The following CDC42BPA variants were observed in gnomAD, a reference collection of about 807,000 sequenced individuals.
The protein encoded by CDC42BPA is CDC42 binding protein kinase alpha.
A neutral mutation model predicts 223.5 loss-of-function variants in CDC42BPA; 80 were observed. That is an observed-to-expected ratio of 0.36 (90% CI 0.30 to 0.43). The LOEUF is 0.43. CDC42BPA is among the 20% of genes least tolerant of loss of function. The pLI is 1.00. For missense variants in CDC42BPA, 1,743 were observed against 2,099.9 expected, an observed-to-expected ratio of 0.83 and a Z score of 3.32; for synonymous variants, 694 against 718.6, an observed-to-expected ratio of 0.97 and a Z score of 0.55.
At chr1:227,084,268 C>G (rs1482263695) in intron 16 of CDC42BPA, among the ~76,000 whole-genome samples, 2 of 152,178 alleles carry the variant, frequency 1.3e-5, no homozygotes, top group African/African-American at 4.8e-5. Context: ...TGGCTCACGC[C>G]TGCAATCCCA....
At chr1:227,008,219 T>C (rs1254678478) in intron 34 of CDC42BPA, among the ~76,000 whole-genome samples, 1 of 152,244 alleles carries the variant, frequency 6.6e-6, no homozygotes, top group African/African-American at 2.4e-5. Flanking sequence ...TTGAGATTAA[T>C]TCAGTTGGCA....
chr1:227,050,381 C>A (rs979027856), intron 22 of CDC42BPA, among the ~76,000 whole-genome samples: 1 of 152,106 alleles, frequency 6.6e-6, no homozygotes, highest in Non-Finnish European at 1.5e-5. Flanking sequence ...ATTGGTCCAA[C>A]CACTGTGGAA....
chr1:227,086,279 T>C (rs11811176), intron 16 of CDC42BPA, among the ~76,000 whole-genome samples: 8,202 of 152,144 alleles, frequency 0.054, 249 homozygotes, highest in Non-Finnish European at 0.073. Flanking sequence ...ATGAGAATAT[T>C]ATGCTATGAA....
intron 4 of CDC42BPA, among the ~76,000 whole-genome samples, chr1:227,198,641 T>A (rs1671182897): frequency 6.6e-6 from 1 of 152,084 alleles, no homozygotes; most frequent in South Asian, 2.1e-4. Context: ...ATAAACCCCA[T>A]GAGCATTATA....
intron 2 of CDC42BPA, among the ~76,000 whole-genome samples, chr1:227,214,722 G>C (rs1203715739): frequency 6.6e-6 from 1 of 152,016 alleles, no homozygotes. Context: ...CCAAAACTTA[G>C]GTGTCTTCCC....
At chr1:227,208,256 A>G (rs560005142) in intron 3 of CDC42BPA, among the ~76,000 whole-genome samples, 3 of 151,298 alleles carry the variant, frequency 2.0e-5, no homozygotes, top group East Asian at 1.9e-4. Flanking sequence ...TAGATTCTGG[A>G]TATTAGCCCT....
At chr1:227,017,976 C>T (rs1180417963) in intron 32 of CDC42BPA, among the ~76,000 whole-genome samples, 1 of 151,594 alleles carries the variant, frequency 6.6e-6, no homozygotes, top group Non-Finnish European at 1.5e-5. Flanking sequence ...ATCCTCGTGG[C>T]ATAATCATAT....
chr1:227,027,922 G>A (rs1457021978), intron 30 of CDC42BPA, among the ~76,000 whole-genome samples: 1 of 152,016 alleles, frequency 6.6e-6, no homozygotes, highest in African/African-American at 2.4e-5. Flanking sequence ...TTTGAGACCA[G>A]CCTGAACAAC....
Position 227,317,823 on chromosome 1 carries a change from C to A in CDC42BPA, c.-641G>T, listed in dbSNP as rs546540063. 2.0e-5 allele frequency: 8 copies of A among 398,600 alleles called. No individual in the cohort carries two copies. The East Asian group carries it at 2.8e-4, about 14-fold the overall frequency. The allele number at this position is 398,600 out of a possible 1,614,324, so 24.7% of individuals were successfully genotyped here. ...TCGGCTCGGAGCACGCCAAGTCTTG[C>A]CCGGAGGCGGCTTTTCGTTTCTCCT... On this transcript the variant is annotated 5_prime_UTR_variant, in exon 1 of 37. Coordinates refer to ENST00000366766, the MANE Select transcript of CDC42BPA (RefSeq NM_001394014.1).
intron 2 of CDC42BPA, among the ~76,000 whole-genome samples, chr1:227,246,440 G>C (rs1406514478): frequency 6.6e-6 from 1 of 152,094 alleles, no homozygotes; most frequent in East Asian, 1.9e-4. Context: ...CTGGCTTCAG[G>C]TCTGACCCAG....
chr1:227,143,713 C>A (rs1660126830), intron 8 of CDC42BPA, among the ~76,000 whole-genome samples: 1 of 152,150 alleles, frequency 6.6e-6, no homozygotes, highest in Non-Finnish European at 1.5e-5. Context: ...AATGAATCAA[C>A]AACATATGTT....
rs761928423 is a variant in CDC42BPA at position 227,091,864 on chromosome 1, AAT to A, written c.2355+20_2355+21del. The A allele has an allele frequency of 1.5e-5, 19 of 1,301,522 alleles. 1 individual carries two copies. The highest frequency in any genetic ancestry group is 4.4e-5 in the African/African-American group (3 of 68,294). The allele number at this position is 1,301,522 out of a possible 1,614,324, so 80.6% of individuals were successfully genotyped here. The stretch of plus-strand genomic sequence containing the variant: ...AACATCTAGCATGTACTACTCAATT[AAT>A]ATGAGATTAAATCACTCACCTTATC... On this transcript the variant is annotated intron_variant, in intron 16 of 36. Coordinates refer to ENST00000366766, the MANE Select transcript of CDC42BPA (RefSeq NM_001394014.1).
intron 6 of CDC42BPA, among the ~76,000 whole-genome samples, chr1:227,148,772 C>CAAAAAAAAAAAAAAAAAAAA (rs57635319): frequency 1.3e-5 from 1 of 78,786 alleles, no homozygotes; most frequent in African/African-American, 5.6e-5. Flanking sequence ...GTCTCAAAAG[C>CAAAAAAAAAAAAAAAAAAAA]AAAAAAAAAA....
chr1:227,101,313 A>G, intron 14 of CDC42BPA, 74 bp from the exon 15 acceptor site: 1 of 891,390 alleles, frequency 1.1e-6, no homozygotes, highest in Non-Finnish European at 1.6e-6. Context: ...TTTCTGTAAT[A>G]TAAATGAGTA....
At chr1:227,010,831 T>A (rs1263089588) in intron 34 of CDC42BPA, 14 of 1,164,714 alleles carry the variant, frequency 1.2e-5, no homozygotes, top group African/African-American at 1.6e-5. Flanking sequence ...CAAAAGGAAA[T>A]CCATACATGG....
At position 226,992,906 on chromosome 1, in the gene CDC42BPA, C is replaced by G. The variant is rs564964794; in HGVS notation, c.*1362G>C. 3 of 152,234 alleles carry G rather than the reference C, an allele frequency of 2.0e-5. No homozygotes were observed. Among genetic ancestry groups the G allele is most frequent in the African/African-American group, 7.2e-5 (3 of 41,466 alleles). The allele number at this position is 152,234 out of a possible 1,614,324, so 9.4% of individuals were successfully genotyped here. On this transcript the variant is annotated 3_prime_UTR_variant, in exon 37 of 37. Coordinates refer to ENST00000366766, the MANE Select transcript of CDC42BPA (RefSeq NM_001394014.1). ...CCAGCACCTGAGAGAGGAAGCCAGT[C>G]GGAGCGCCGTGCTGGGCTCACTCAC...
chr1:227,251,511 A>G (rs974973126), intron 2 of CDC42BPA, among the ~76,000 whole-genome samples: 3 of 152,208 alleles, frequency 2.0e-5, no homozygotes, highest in African/African-American at 7.2e-5. Context: ...CCATATGCTT[A>G]TAGAAAGCTA....
At chr1:227,105,410 G>A (rs570946404) in intron 14 of CDC42BPA, among the ~76,000 whole-genome samples, 6 of 140,852 alleles carry the variant, frequency 4.3e-5, no homozygotes, top group Non-Finnish European at 7.5e-5. Context: ...TGTCCAGGCT[G>A]GAGTACACTG....
At chr1:227,270,124 TGAA>T (rs1417941478) in intron 1 of CDC42BPA, among the ~76,000 whole-genome samples, 2 of 151,994 alleles carry the variant, frequency 1.3e-5, no homozygotes, top group Non-Finnish European at 2.9e-5. Flanking sequence ...GCAAATAAAA[TGAA>T]GTAGACCCAC....
Sources: allele counts gnomAD v4.1 joint callset (sites outside exome capture counted in the v4.1 genomes callset), GRCh38; gene constraint gnomAD v4.1.1; transcripts MANE v1.5; gene names NCBI Gene and HGNC (gene_info 2026-07-23, HGNC 2026-07-21).